Variants in TRHDE observed in about 807,000 individuals in gnomAD.
The protein encoded by TRHDE is thyrotropin releasing hormone degrading enzyme, also known as thyrotropin-releasing hormone-degrading ectoenzyme.
A neutral mutation model predicts 125.7 loss-of-function variants in TRHDE; 72 were observed. The ratio of observed to expected loss-of-function variants is 0.57; its 90% CI spans 0.47 to 0.70. TRHDE has a LOEUF of 0.70. Ranked by LOEUF, TRHDE falls within the 30% of genes least tolerant of loss-of-function variation. The pLI is 0.00. For missense variants in TRHDE, 1,110 were observed against 1,327.1 expected (o/e 0.84, Z 2.54); for synonymous variants, 509 against 509.1 (o/e 1.00, Z 0.00).
intron 2 of TRHDE, among the ~76,000 whole-genome samples, chr12:72,165,589 T>G (rs537966077): frequency 6.6e-6 from 1 of 152,272 alleles, no homozygotes; most frequent in Admixed American, 6.5e-5. Context: ...GAGTATAGAA[T>G]TTATATATAC....
chr12:72,558,138 C>G (rs1380116733), intron 7 of TRHDE, among the ~76,000 whole-genome samples: 1 of 152,120 alleles, frequency 6.6e-6, no homozygotes, highest in Non-Finnish European at 1.5e-5. Flanking sequence ...AGGATCATTA[C>G]TCTCACGGAT....
At chr12:72,177,399 A>G (rs2139339281) in intron 2 of TRHDE, among the ~76,000 whole-genome samples, 1 of 152,300 alleles carries the variant, frequency 6.6e-6, no homozygotes, top group Middle Eastern at 3.4e-3. Flanking sequence ...AATTCAGGCC[A>G]TTCAGTGGCA....
intron 1 of TRHDE, among the ~76,000 whole-genome samples, chr12:72,101,375 G>A (rs1875063889): frequency 6.6e-6 from 1 of 152,218 alleles, no homozygotes; most frequent in South Asian, 2.1e-4. Flanking sequence ...TAGACACAGA[G>A]TGAGTGGCTG....
At chr12:72,512,390 A>G (rs1022221224) in intron 6 of TRHDE, among the ~76,000 whole-genome samples, 11 of 141,714 alleles carry the variant, frequency 7.8e-5, no homozygotes, top group African/African-American at 2.9e-4. Flanking sequence ...TATATAATAT[A>G]TAATTATTAT....
chr12:72,245,945 C>G (rs1417831821), intron 2 of TRHDE, among the ~76,000 whole-genome samples: 2 of 152,022 alleles, frequency 1.3e-5, no homozygotes, highest in African/African-American at 2.4e-5. Flanking sequence ...TCTTGTTATT[C>G]TAACTACAAC....
intron 2 of TRHDE, among the ~76,000 whole-genome samples, chr12:72,369,879 C>A (rs1871499715): frequency 6.6e-6 from 1 of 152,076 alleles, no homozygotes; most frequent in African/African-American, 2.4e-5. Flanking sequence ...TGCAAATAAG[C>A]AGGTGTAATA....
intron 2 of TRHDE, among the ~76,000 whole-genome samples, chr12:72,232,582 T>C (rs144391214): frequency 2.6e-5 from 4 of 151,842 alleles, no homozygotes; most frequent in African/African-American, 9.7e-5. Context: ...AATAATAGAG[T>C]TAATACAGAA....
chr12:72,517,691 T>G (rs894350325), intron 6 of TRHDE, among the ~76,000 whole-genome samples: 14 of 152,060 alleles, frequency 9.2e-5, no homozygotes, highest in African/African-American at 3.4e-4. Context: ...TGCTAGCTTT[T>G]GAATGTGTTT....
intron 2 of TRHDE, among the ~76,000 whole-genome samples, chr12:72,323,346 C>T (rs1869185937): frequency 6.6e-6 from 1 of 152,148 alleles, no homozygotes; most frequent in African/African-American, 2.4e-5. Context: ...ACACATAACC[C>T]TCCTCTCCAC....
At chr12:72,369,315 G>A (rs777650009) in intron 2 of TRHDE, among the ~76,000 whole-genome samples, 24 of 152,096 alleles carry the variant, frequency 1.6e-4, no homozygotes, top group South Asian at 2.1e-4. Flanking sequence ...CACAGTCAGC[G>A]TCTGTTTTGT....
In TRHDE at chr12:72,645,308, CA is replaced by C. The variant is rs1240501460; in HGVS notation, c.2676-7012del. On this transcript the variant is annotated intron_variant, in intron 15 of 18. Coordinates refer to ENST00000261180, the MANE Select transcript of TRHDE (RefSeq NM_013381.3). ...AAACAGGTGATGAAGCTGAACAACACAATAACGTAACTGAAAAATTTACTGT... is the reference window on the plus strand; with the variant it reads ...AAACAGGTGATGAAGCTGAACAACACATAACGTAACTGAAAAATTTACTGT... Among the ~76,000 whole-genome samples, 8 of 152,096 alleles carry C rather than the reference CA, an allele frequency of 5.3e-5. No individual in the cohort carries two copies. The East Asian group carries it at 1.5e-3, about 29-fold the overall frequency.
chr12:72,413,520 T>C (rs1254742986), intron 3 of TRHDE, among the ~76,000 whole-genome samples: 1 of 151,834 alleles, frequency 6.6e-6, no homozygotes, highest in Non-Finnish European at 1.5e-5. Context: ...AAAATTATTA[T>C]TAGCTCTACC....
At chr12:72,654,347 C>T (rs1401533501) in intron 17 of TRHDE, among the ~76,000 whole-genome samples, 1 of 152,136 alleles carries the variant, frequency 6.6e-6, no homozygotes, top group Non-Finnish European at 1.5e-5. Context: ...ATGGTGTTTA[C>T]ACTGACAAAT....
rs1565669983 is a variant in TRHDE, at chr12:72,238,325, T to TATATATATAC, written n.279+132575_279+132584dup. 4.3e-4 allele frequency among the ~76,000 whole-genome samples: 14 copies of TATATATATAC among 32,242 alleles called. 2 individuals are homozygous for TATATATATAC. Among genetic ancestry groups the TATATATATAC allele is most frequent in the African/African-American group, 1.3e-3 (11 of 8,756 alleles). 21.2% of individuals were successfully genotyped at this position (32,242 alleles called of 152,430 possible). A position where few individuals can be genotyped will look rare whatever the true frequency, so the allele number is the denominator to read the frequency against. On this transcript the variant is annotated intron_variant and non_coding_transcript_variant, in intron 2 of 4. Transcript: ENST00000548156. ...ATATATATATATATATATATATACA[T>TATATATATAC]ATATATATACACATTATATATATAT... is the stretch of plus-strand genomic sequence containing the variant.
chr12:72,416,407 T>G (rs1352012878), intron 3 of TRHDE, among the ~76,000 whole-genome samples: 1 of 152,024 alleles, frequency 6.6e-6, no homozygotes, highest in Admixed American at 6.6e-5. Flanking sequence ...GTGACCCCAT[T>G]TTTTGCTTTT....
chr12:72,315,621 A>G (rs1868763263), intron 2 of TRHDE, among the ~76,000 whole-genome samples: 2 of 152,236 alleles, frequency 1.3e-5, no homozygotes, highest in South Asian at 4.1e-4. Context: ...AAGGCCTCTC[A>G]GAGGCATATG....
intron 3 of TRHDE, among the ~76,000 whole-genome samples, chr12:72,463,873 A>G (rs1221503588): frequency 6.6e-6 from 1 of 152,192 alleles, no homozygotes; most frequent in Admixed American, 6.5e-5. Context: ...CTAATGCTGG[A>G]GACTGGATTT....
intron 2 of TRHDE, among the ~76,000 whole-genome samples, chr12:72,349,614 C>T (rs1401764641): frequency 6.6e-6 from 1 of 151,848 alleles, no homozygotes; most frequent in Non-Finnish European, 1.5e-5. Context: ...GAGCAGTAGA[C>T]CCTACTGACT....
At chr12:72,490,370 C>T (rs1877609264) in intron 5 of TRHDE, among the ~76,000 whole-genome samples, 1 of 151,736 alleles carries the variant, frequency 6.6e-6, no homozygotes. Context: ...AAGTCTTGTA[C>T]ACTTGGTAGG....
Sources: allele counts gnomAD v4.1 joint callset (sites outside exome capture counted in the v4.1 genomes callset), GRCh38; gene constraint gnomAD v4.1.1; transcripts MANE v1.5; gene names NCBI Gene and HGNC (gene_info 2026-07-23, HGNC 2026-07-21).